Variants in UNC5C observed in about 807,000 individuals in gnomAD.
UNC5C encodes netrin receptor UNC5C.
UNC5C carries 47 observed loss-of-function variants against 99.8 expected under a neutral mutation model. That is an observed-to-expected ratio of 0.47 (90% CI 0.37 to 0.60). The LOEUF (loss-of-function observed/expected upper bound fraction) is 0.60, where lower values mean the gene tolerates loss of function less well. Ranked by LOEUF, UNC5C falls within the 20% of genes least tolerant of loss-of-function variation. UNC5C has a pLI of 0.00. For synonymous variants in UNC5C, 487 were observed against 452.2 expected (o/e 1.08, Z -0.98); for missense variants, 1,062 against 1,165.9 (o/e 0.91, Z 1.30).
intron 7 of UNC5C, among the ~76,000 whole-genome samples, chr4:95,229,439 TG>T (rs1434405945): frequency 6.6e-6 from 1 of 152,214 alleles, no homozygotes; most frequent in African/African-American, 2.4e-5. Context: ...TTCATGTCCC[TG>T]CAATAAAACA....
chr4:95,366,897 C>T (rs1196432468), intron 1 of UNC5C, among the ~76,000 whole-genome samples: 2 of 152,150 alleles, frequency 1.3e-5, no homozygotes, highest in African/African-American at 2.4e-5. Flanking sequence ...TTTGCAATGC[C>T]ATCAGGCTTG....
chr4:95,512,872 A>G (rs1454096613), intron 1 of UNC5C, among the ~76,000 whole-genome samples: 1 of 152,236 alleles, frequency 6.6e-6, no homozygotes, highest in Non-Finnish European at 1.5e-5. Flanking sequence ...AATGAAAATT[A>G]TTAATCAGAA....
intron 1 of UNC5C, among the ~76,000 whole-genome samples, chr4:95,515,969 G>A (rs1344708800): frequency 6.6e-6 from 1 of 152,150 alleles, no homozygotes; most frequent in African/African-American, 2.4e-5. Context: ...TGCTCTATGT[G>A]CATGTATGTA....
intron 3 of UNC5C, among the ~76,000 whole-genome samples, chr4:95,284,240 AAAG>A (rs1741156853): frequency 6.6e-6 from 1 of 152,210 alleles, no homozygotes; most frequent in Non-Finnish European, 1.5e-5. Flanking sequence ...AGTTAGCAGA[AAAG>A]AAGACTCACT....
At chr4:95,352,633 T>G (rs1387543471) in intron 1 of UNC5C, among the ~76,000 whole-genome samples, 2 of 152,182 alleles carry the variant, frequency 1.3e-5, no homozygotes, top group African/African-American at 4.8e-5. Context: ...TACCTTCCCC[T>G]GTTGACACAG....
chr4:95,178,232 A>C lies in UNC5C; in HGVS notation c.2451+4665T>G, dbSNP rs532379594. 3.3e-4 allele frequency among the ~76,000 whole-genome samples: 51 copies of C among 152,308 alleles called. No individual in the cohort carries two copies. The South Asian group carries it at 7.9e-3, about 23-fold the overall frequency. On this transcript the variant is annotated intron_variant, in intron 14 of 15. Coordinates refer to ENST00000453304, the MANE Select transcript of UNC5C (RefSeq NM_003728.4). ...ACTAGTTCTCATGCCATTTCTAAGGATGCACCTCTAATAGTTATTCTGCTC... is the reference window on the plus strand; with the variant it reads ...ACTAGTTCTCATGCCATTTCTAAGGCTGCACCTCTAATAGTTATTCTGCTC...
chr4:95,470,485 G>A (rs1747934813), intron 1 of UNC5C, among the ~76,000 whole-genome samples: 1 of 152,090 alleles, frequency 6.6e-6, no homozygotes, highest in Non-Finnish European at 1.5e-5. Flanking sequence ...TAGGGACTGT[G>A]CCTGTGAATG....
chr4:95,313,406 G>GAATTTTAATAATTTT (rs538875643), intron 2 of UNC5C, among the ~76,000 whole-genome samples: 2 of 152,134 alleles, frequency 1.3e-5, no homozygotes, highest in Non-Finnish European at 2.9e-5. Context: ...TACTTTAAAG[G>GAATTTTAATAATTTT]AATTTTAATA....
chr4:95,245,598 T>C (rs559501820), intron 5 of UNC5C, among the ~76,000 whole-genome samples: 17 of 152,370 alleles, frequency 1.1e-4, no homozygotes, highest in Non-Finnish European at 2.1e-4. Context: ...ATGTAAACTT[T>C]ACAACGTTTT....
intron 4 of UNC5C, among the ~76,000 whole-genome samples, chr4:95,262,880 T>C (rs1331624432): frequency 2.6e-5 from 4 of 152,046 alleles, no homozygotes; most frequent in Non-Finnish European, 5.9e-5. Flanking sequence ...AATGGCGTGA[T>C]CTTGGCCCAC....
intron 1 of UNC5C, among the ~76,000 whole-genome samples, chr4:95,354,479 A>ATATATATATATATATTTTTT: frequency 8.2e-4 from 91 of 110,318 alleles, no homozygotes; most frequent in African/African-American, 3.3e-3. Flanking sequence ...ATATATATAT[A>ATATATATATATATATTTTTT]TTTTTTTTTT....
intron 1 of UNC5C, among the ~76,000 whole-genome samples, chr4:95,483,206 A>C (rs1353154395): frequency 6.6e-6 from 1 of 151,632 alleles, no homozygotes; most frequent in Admixed American, 6.6e-5. Flanking sequence ...TCAGTCTCAC[A>C]CCAGCAAATA....
At chr4:95,230,909 T>C (rs577062843) in intron 7 of UNC5C, among the ~76,000 whole-genome samples, 1 of 152,262 alleles carries the variant, frequency 6.6e-6, no homozygotes, top group African/African-American at 2.4e-5. Context: ...ACAAAAGTTC[T>C]GTTTGTAAGG....
chr4:95,267,949 A>ATTTTTCT (rs1740508025), intron 4 of UNC5C, among the ~76,000 whole-genome samples: 1 of 117,568 alleles, frequency 8.5e-6, no homozygotes, highest in Non-Finnish European at 1.7e-5. Context: ...GAATTTTGTG[A>ATTTTTCT]TTTTTTTTTT....
At chr4:95,394,966 T>A (rs1364702968) in intron 1 of UNC5C, among the ~76,000 whole-genome samples, 2 of 152,176 alleles carry the variant, frequency 1.3e-5, no homozygotes, top group Non-Finnish European at 2.9e-5. Flanking sequence ...AATTCCTCAA[T>A]CATTGCTCAA....
intron 1 of UNC5C, among the ~76,000 whole-genome samples, chr4:95,383,417 T>G (rs897426855): frequency 2.0e-5 from 3 of 152,312 alleles, no homozygotes; most frequent in African/African-American, 7.2e-5. Context: ...TACGATATAC[T>G]GGGAAGTTAA....
chr4:95,545,772 G>GCACACACACACA (rs3975180), intron 1 of UNC5C, among the ~76,000 whole-genome samples: 6 of 148,402 alleles, frequency 4.0e-5, no homozygotes, highest in East Asian at 2.0e-4. Flanking sequence ...GCGCGCGCGC[G>GCACACACACACA]CACACACACA....
intron 4 of UNC5C, among the ~76,000 whole-genome samples, chr4:95,256,993 C>T (rs1740024875): frequency 6.6e-6 from 1 of 151,964 alleles, no homozygotes; most frequent in Non-Finnish European, 1.5e-5. Context: ...ATGGTGCTCA[C>T]CCAGATTAAG....
chr4:95,219,535 A>T (rs1194005591), intron 8 of UNC5C, among the ~76,000 whole-genome samples: 1 of 152,178 alleles, frequency 6.6e-6, no homozygotes, highest in Non-Finnish European at 1.5e-5. Flanking sequence ...ATTTGCTTTG[A>T]TGTCTACTCA....
Sources: gnomAD v4.1 joint callset for allele counts (sites outside exome capture counted in the v4.1 genomes callset) on GRCh38, gnomAD v4.1.1 for gene constraint, MANE v1.5 for transcripts, NCBI Gene and HGNC (gene_info 2026-07-23, HGNC 2026-07-21) for gene names.